TMEM248: variants seen among roughly 807,000 people sequenced by gnomAD.
TMEM248 encodes transmembrane protein 248.
In TMEM248, 9 loss-of-function variants were observed where a neutral mutation model predicts 30.3. That is an observed-to-expected ratio of 0.30 (90% CI 0.18 to 0.52). The LOEUF is 0.52. Among genes scored for constraint, TMEM248 ranks in the 20% least tolerant of loss-of-function variants. The probability of loss-of-function intolerance (pLI) is 0.97; values close to 1 mark genes in which losing one functional copy is unlikely to be tolerated. For synonymous variants in TMEM248, 184 were observed against 154.4 expected, an observed-to-expected ratio of 1.19 and a Z score of -1.42; for missense variants, 338 against 403.3, an observed-to-expected ratio of 0.84 and a Z score of 1.39.
At chr7:66,955,402 T>C in intron 6 of TMEM248, 100 bp from the exon 7 acceptor site, 1 of 1,339,110 alleles carries the variant, frequency 7.5e-7, no homozygotes, top group South Asian at 1.2e-5. Flanking sequence ...CACTGTCTGG[T>C]TGATATGTGC....
intron 1 of TMEM248, chr7:66,922,146 C>T (rs368406975): frequency 6.6e-6 from 1 of 152,350 alleles, no homozygotes; most frequent in East Asian, 1.9e-4. Context: ...TCTCAACTAG[C>T]AGGTGACAGC....
chr7:66,945,821 C>A (rs762871732), intron 3 of TMEM248, among the ~76,000 whole-genome samples: 2 of 152,070 alleles, frequency 1.3e-5, no homozygotes, highest in Admixed American at 1.3e-4. Flanking sequence ...CGCGGTGGCT[C>A]ACGCCTGTAA....
chr7:66,940,341 C>A (rs1791915241), intron 1 of TMEM248, among the ~76,000 whole-genome samples: 1 of 152,044 alleles, frequency 6.6e-6, no homozygotes, highest in South Asian at 2.1e-4. Flanking sequence ...ACATCATGGT[C>A]AAAAATGGCA....
intron 1 of TMEM248, among the ~76,000 whole-genome samples, chr7:66,934,842 A>C (rs1384000920): frequency 6.6e-6 from 1 of 152,176 alleles, no homozygotes; most frequent in African/African-American, 2.4e-5. Context: ...ACTCGAGGAC[A>C]GGAGTTCAAG....
At chr7:66,936,480 A>G (rs1791806828) in intron 1 of TMEM248, among the ~76,000 whole-genome samples, 1 of 151,626 alleles carries the variant, frequency 6.6e-6, no homozygotes, top group Non-Finnish European at 1.5e-5. Context: ...AGAGATTTAC[A>G]ACAATCTTCA....
chr7:66,935,606 G>A (rs2129222524), intron 1 of TMEM248, among the ~76,000 whole-genome samples: 1 of 152,304 alleles, frequency 6.6e-6, no homozygotes, highest in African/African-American at 2.4e-5. Flanking sequence ...GCAGAGGCAC[G>A]ACGTTGGCTC....
chr7:66,931,163 C>T (rs1791653897), intron 1 of TMEM248, among the ~76,000 whole-genome samples: 2 of 151,798 alleles, frequency 1.3e-5, no homozygotes, highest in African/African-American at 2.4e-5. Flanking sequence ...ATTAGCCGGA[C>T]GTGGTGATGT....
At chr7:66,939,825 G>T (rs1019598635) in intron 1 of TMEM248, among the ~76,000 whole-genome samples, 29 of 151,892 alleles carry the variant, frequency 1.9e-4, no homozygotes, top group African/African-American at 7.0e-4. Context: ...AATGAGGGAT[G>T]ACAAACAGTA....
chr7:66,949,310 A>C (rs1792199556), intron 4 of TMEM248, among the ~76,000 whole-genome samples: 1 of 152,114 alleles, frequency 6.6e-6, no homozygotes, highest in African/African-American at 2.4e-5. Flanking sequence ...AACATAGTGA[A>C]ACCCCATCTC....
At chr7:66,949,477 TAAATC>T (rs897603222) in intron 4 of TMEM248, among the ~76,000 whole-genome samples, 20 of 152,138 alleles carry the variant, frequency 1.3e-4, no homozygotes, top group South Asian at 2.1e-4. Flanking sequence ...AAAAAATAAA[TAAATC>T]AAATAAAACA....
rs538187948 is a variant in TMEM248, at chr7:66,933,451, ACT to A, written c.-18-8394_-18-8393del. Among the ~76,000 whole-genome samples, 564 of 152,308 alleles carry A rather than the reference ACT, an allele frequency of 3.7e-3. 7 individuals carry two copies. The highest frequency in any genetic ancestry group is 0.012 in the African/African-American group (478 of 41,550). On this transcript the variant is annotated intron_variant, in intron 1 of 6. Coordinates refer to ENST00000341567, the MANE Select transcript of TMEM248 (RefSeq NM_017994.5). Reference sequence around the variant, plus strand: ...AACAATTGCAAACACTCCAAAAATAACTCTGAGTAGTTAAATCTTTGGAGCAA... The same window carrying A: ...AACAATTGCAAACACTCCAAAAATAACTGAGTAGTTAAATCTTTGGAGCAA...
At chr7:66,952,476 G>GCAGT (rs1362153899) in intron 5 of TMEM248, among the ~76,000 whole-genome samples, 1 of 152,240 alleles carries the variant, frequency 6.6e-6, no homozygotes, top group Non-Finnish European at 1.5e-5. Flanking sequence ...CTGGCCAAGG[G>GCAGT]CAGTCCCTGC....
At chr7:66,931,535 G>T (rs1378850178) in intron 1 of TMEM248, among the ~76,000 whole-genome samples, 1 of 149,692 alleles carries the variant, frequency 6.7e-6, no homozygotes, top group African/African-American at 2.5e-5. Flanking sequence ...GCAGTGGCAT[G>T]ATCATAGCTC....
intron 1 of TMEM248, among the ~76,000 whole-genome samples, chr7:66,929,427 T>A (rs1231148461): frequency 3.0e-5 from 2 of 66,436 alleles, no homozygotes; most frequent in African/African-American, 1.3e-4. Context: ...GAGAGACAAA[T>A]TTTTTTTTTT....
intron 3 of TMEM248, among the ~76,000 whole-genome samples, chr7:66,946,673 C>T (rs1434224637): frequency 3.3e-5 from 5 of 151,984 alleles, no homozygotes; most frequent in African/African-American, 1.2e-4. Context: ...GTTTATCAAG[C>T]ACTTACAATA....
rs928591007 is a variant in TMEM248 at position 66,955,834 on chromosome 7, G to A, written c.*312G>A. ...AGGATTCCTGGATCTAGCTGGTCAC[G>A]ACGATGTTTTCACCAAGGTCACAGG... On this transcript the variant is annotated 3_prime_UTR_variant, in exon 7 of 7. Transcript: ENST00000341567. 1 of 353,442 alleles carries A rather than the reference G, an allele frequency of 2.8e-6. No homozygotes were observed. Among genetic ancestry groups the A allele is most frequent in the Middle Eastern group, 7.8e-4 (1 of 1,280 alleles). 21.9% of individuals were successfully genotyped at this position (353,442 alleles called of 1,614,324 possible). A position where few individuals can be genotyped will look rare whatever the true frequency, so the allele number is the denominator to read the frequency against.
In TMEM248 at chr7:66,931,111, T is replaced by G. The variant is rs186565674; in HGVS notation, c.-19+9650T>G. 5.5e-4 allele frequency among the ~76,000 whole-genome samples: 84 copies of G among 152,116 alleles called. 1 individual carries two copies. The South Asian group carries it at 0.011, about 19-fold the overall frequency. ...TGAAGTCAGGAGTTTGAGACCAGCC[T>G]GGCCAACATGGTGAAACCCCATCTC... On this transcript the variant is annotated intron_variant, in intron 1 of 6. Coordinates refer to ENST00000341567, the MANE Select transcript of TMEM248 (RefSeq NM_017994.5).
Position 66,953,279 on chromosome 7 carries a change from T to TGTGATG in TMEM248, c.840_845dup (p.Met280_Val281dup), listed in dbSNP as rs1200043652. 6.2e-7 allele frequency: 1 copy of TGTGATG among 1,614,176 alleles called. No individual in the cohort carries two copies. Among genetic ancestry groups the TGTGATG allele is most frequent in the East Asian group, 2.2e-5 (1 of 44,884 alleles). On this transcript the variant is annotated inframe_insertion, in exon 6 of 7. Coordinates refer to ENST00000341567, the MANE Select transcript of TMEM248 (RefSeq NM_017994.5). ...TCATGCACACCAGTTACTTCCTCTT[T>TGTGATG]GTGATGGTGATAACAATGTTTTGCT...
intron 5 of TMEM248, 23 bp downstream of exon 5, chr7:66,951,158 GTGTGTGTGCGTGCATGCATATGCACA>G: frequency 6.4e-7 from 1 of 1,550,748 alleles, no homozygotes; most frequent in African/African-American, 1.4e-5. Flanking sequence ...AATTGTGTGT[GTGTGTGTGCGTGCATGCATATGCACA>G]TGTGTGCGCA....
Sources: allele counts gnomAD v4.1 joint callset (sites outside exome capture counted in the v4.1 genomes callset), GRCh38; gene constraint gnomAD v4.1.1; transcripts MANE v1.5; gene names NCBI Gene and HGNC (gene_info 2026-07-23, HGNC 2026-07-21).